SUCLG2: variants seen among roughly 807,000 people sequenced by gnomAD.
The protein encoded by SUCLG2 is succinate--CoA ligase [GDP-forming] subunit beta, mitochondrial.
In SUCLG2, 42 loss-of-function variants were observed where a neutral mutation model predicts 47.9. The observed-to-expected ratio is 0.88, with a 90% CI of 0.69 to 1.14. The LOEUF (loss-of-function observed/expected upper bound fraction) is 1.14, where lower values mean the gene tolerates loss of function less well. Among genes scored for constraint, SUCLG2 ranks in the 50% most tolerant of loss-of-function variants. The pLI, the probability that SUCLG2 is intolerant of heterozygous loss-of-function variation, is 0.00. For synonymous variants in SUCLG2, 195 were observed against 197.3 expected (o/e 0.99, Z 0.10); for missense variants, 571 against 525.9 (o/e 1.09, Z -0.84).
chr3:67,583,894 T>A (rs530689883), intron 2 of SUCLG2, among the ~76,000 whole-genome samples: 16 of 152,364 alleles, frequency 1.1e-4, no homozygotes, highest in Non-Finnish European at 1.5e-4. Context: ...GTGATCATAC[T>A]GGGTCCATCT....
At chr3:67,613,945 A>G (rs1700578542) in intron 1 of SUCLG2, among the ~76,000 whole-genome samples, 2 of 152,206 alleles carry the variant, frequency 1.3e-5, no homozygotes, top group Admixed American at 1.3e-4. Context: ...CGAAATGCTG[A>G]CAGAGCTCGT....
chr3:67,629,837 C>T (rs1185581372), intron 1 of SUCLG2, among the ~76,000 whole-genome samples: 1 of 152,116 alleles, frequency 6.6e-6, no homozygotes, highest in Non-Finnish European at 1.5e-5. Flanking sequence ...AAGCTCCTAC[C>T]ACTCAGGGTT....
chr3:67,446,735 T>C (rs1320707907), intron 9 of SUCLG2, among the ~76,000 whole-genome samples: 2 of 152,050 alleles, frequency 1.3e-5, no homozygotes, highest in Non-Finnish European at 2.9e-5. Flanking sequence ...CCCAGCCATG[T>C]GCAGGTCTTT....
chr3:67,543,951 A>G (rs1332914577), intron 2 of SUCLG2, among the ~76,000 whole-genome samples: 1 of 152,242 alleles, frequency 6.6e-6, no homozygotes, highest in African/African-American at 2.4e-5. Flanking sequence ...TCTAGAAGAT[A>G]TCTTAAGGAC....
intron 2 of SUCLG2, among the ~76,000 whole-genome samples, chr3:67,598,029 G>A (rs1289479043): frequency 4.6e-5 from 7 of 151,872 alleles, no homozygotes; most frequent in African/African-American, 1.7e-4. Context: ...TGCCCAGGGT[G>A]GAGTGCAGTG....
At chr3:67,554,597 C>A (rs903060689) in intron 2 of SUCLG2, among the ~76,000 whole-genome samples, 1 of 152,040 alleles carries the variant, frequency 6.6e-6, no homozygotes, top group Non-Finnish European at 1.5e-5. Flanking sequence ...AGTTATAATT[C>A]GGTTTGGCTG....
At chr3:67,527,149 T>C (rs1314857649) in intron 4 of SUCLG2, among the ~76,000 whole-genome samples, 3 of 152,208 alleles carry the variant, frequency 2.0e-5, no homozygotes, top group Non-Finnish European at 4.4e-5. Flanking sequence ...ACTTAAGAGT[T>C]TTCCACAAAA....
chr3:67,647,050 C>A (rs1305472850), intron 1 of SUCLG2, among the ~76,000 whole-genome samples: 2 of 152,076 alleles, frequency 1.3e-5, no homozygotes, highest in African/African-American at 4.8e-5. Flanking sequence ...TACAAGGCAG[C>A]CCTCCTGAAC....
intron 2 of SUCLG2, among the ~76,000 whole-genome samples, chr3:67,548,552 G>A (rs917345056): frequency 6.6e-5 from 10 of 152,072 alleles, no homozygotes; most frequent in African/African-American, 2.2e-4. Context: ...AACCAAATAA[G>A]GTACAGTTCC....
intron 2 of SUCLG2, among the ~76,000 whole-genome samples, chr3:67,571,274 G>A (rs1419295853): frequency 2.0e-5 from 3 of 152,142 alleles, no homozygotes; most frequent in African/African-American, 7.2e-5. Context: ...CTAGGGGATG[G>A]AGGCCAGGGA....
intron 7 of SUCLG2, among the ~76,000 whole-genome samples, chr3:67,504,064 G>A (rs182052857): frequency 5.1e-4 from 78 of 152,288 alleles, no homozygotes; most frequent in Admixed American, 1.7e-3. Flanking sequence ...TTCAAGCAAC[G>A]TACTGCGTTT....
At chr3:67,439,651 T>C (rs1183541130) in intron 9 of SUCLG2, among the ~76,000 whole-genome samples, 2 of 151,968 alleles carry the variant, frequency 1.3e-5, no homozygotes, top group African/African-American at 4.8e-5. Flanking sequence ...GGGAATAAAA[T>C]ACCTAGGAAT....
At chr3:67,467,136 C>T (rs1442462432) in intron 9 of SUCLG2, among the ~76,000 whole-genome samples, 2 of 152,196 alleles carry the variant, frequency 1.3e-5, no homozygotes, top group African/African-American at 4.8e-5. Context: ...ATAAAGTCTT[C>T]AGGAGAATTT....
At chr3:67,513,095 A>T (rs974407704) in intron 6 of SUCLG2, among the ~76,000 whole-genome samples, 2 of 146,750 alleles carry the variant, frequency 1.4e-5, no homozygotes, top group African/African-American at 5.5e-5. Flanking sequence ...CTGTGGAATC[A>T]TCCAGTGTTT....
intron 9 of SUCLG2, among the ~76,000 whole-genome samples, chr3:67,407,892 T>C (rs1702850922): frequency 6.6e-6 from 1 of 152,214 alleles, no homozygotes; most frequent in South Asian, 2.1e-4. Context: ...AATCATGTCT[T>C]CTAATCCACT....
At chr3:67,393,500 C>G (rs146824230) in intron 10 of SUCLG2, among the ~76,000 whole-genome samples, 10,646 of 152,200 alleles carry the variant, frequency 0.07, 389 homozygotes, top group Middle Eastern at 0.13. Context: ...GGCTTGCTTA[C>G]GTAAACAAAG....
intron 9 of SUCLG2, among the ~76,000 whole-genome samples, chr3:67,471,683 G>C (rs1704608240): frequency 6.6e-6 from 1 of 151,116 alleles, no homozygotes; most frequent in Non-Finnish European, 1.5e-5. Flanking sequence ...AATTAATTTG[G>C]CCAGTTTTAG....
At chr3:67,564,536 G>A (rs1375725743) in intron 2 of SUCLG2, among the ~76,000 whole-genome samples, 2 of 152,236 alleles carry the variant, frequency 1.3e-5, no homozygotes, top group African/African-American at 4.8e-5. Flanking sequence ...CTCTCCTGCA[G>A]GTACTATGCA....
intron 10 of SUCLG2, among the ~76,000 whole-genome samples, chr3:67,398,934 C>T (rs570296616): frequency 1.3e-5 from 2 of 148,416 alleles, no homozygotes; most frequent in South Asian, 4.2e-4. Context: ...AAAAACCAAA[C>T]ACCACATGTT....
Sources: allele counts gnomAD v4.1 joint callset (sites outside exome capture counted in the v4.1 genomes callset), GRCh38; gene constraint gnomAD v4.1.1; transcripts MANE v1.5; gene names NCBI Gene and HGNC (gene_info 2026-07-23, HGNC 2026-07-21).